Variants in RBBP8 observed in about 807,000 individuals in gnomAD.
RBBP8 encodes DNA endonuclease RBBP8.
A neutral mutation model predicts 108.3 loss-of-function variants in RBBP8; 88 were observed. The observed-to-expected ratio is 0.81, with a 90% CI of 0.68 to 0.97. RBBP8 has a LOEUF of 0.97. Among genes scored for constraint, RBBP8 ranks in the 50% least tolerant of loss-of-function variants. RBBP8 has a pLI of 0.00. For missense variants in RBBP8, 1,023 were observed against 1,049.0 expected, an observed-to-expected ratio of 0.98 and a Z score of 0.34; for synonymous variants, 332 against 348.2, an observed-to-expected ratio of 0.95 and a Z score of 0.52.
chr18:23,018,154 C>T (rs545444963), intron 17 of RBBP8, among the ~76,000 whole-genome samples: 1 of 151,758 alleles, frequency 6.6e-6, no homozygotes, highest in Non-Finnish European at 1.5e-5. Flanking sequence ...CGGGTTCAGA[C>T]GATTCTCCTG....
In RBBP8 at chr18:22,996,394, C is replaced by G; in HGVS notation, c.1960C>G (p.Gln654Glu). ...NNQDVSFENI[Q>E]WSIDPGADLS... Reference sequence around the variant, plus strand: ...CTAAGATGTATCCTTTGAAAATATCCAGTGGAGTATAGATCCGGGAGCAGA... The same window carrying G: ...CTAAGATGTATCCTTTGAAAATATCGAGTGGAGTATAGATCCGGGAGCAGA... Residue 654 changes from glutamine to glutamate, a missense_variant, in exon 13 of 19, where the codon CAG (glutamine) becomes GAG (glutamate). Coordinates refer to ENST00000327155, the MANE Select transcript of RBBP8 (RefSeq NM_002894.3). 6.2e-7 allele frequency: 1 copy of G among 1,613,390 alleles called. No individual in the cohort carries two copies. Among genetic ancestry groups the G allele is most frequent in the East Asian group, 2.2e-5 (1 of 44,768 alleles).
chr18:22,996,247 G>T, intron 12 of RBBP8, 127 bp from the exon 13 acceptor site: 1 of 1,435,922 alleles, frequency 7.0e-7, no homozygotes. Context: ...ATATATCTTA[G>T]ATATAAGTCC....
At chr18:22,991,868 C>T (rs1026171549) in intron 10 of RBBP8, among the ~76,000 whole-genome samples, 12 of 152,138 alleles carry the variant, frequency 7.9e-5, no homozygotes, top group African/African-American at 2.4e-5. Context: ...AGATATCTAT[C>T]TATCTATATA....
chr18:23,017,406 C>T (rs1333243545), intron 17 of RBBP8, among the ~76,000 whole-genome samples: 2 of 150,476 alleles, frequency 1.3e-5, no homozygotes, highest in African/African-American at 4.9e-5. Flanking sequence ...GTAATCCCAG[C>T]ACTTTGGGAG....
At chr18:22,964,481 T>G (rs1478885941) in intron 4 of RBBP8, among the ~76,000 whole-genome samples, 1 of 151,592 alleles carries the variant, frequency 6.6e-6, no homozygotes, top group African/African-American at 2.4e-5. Flanking sequence ...TCCTTGCTTT[T>G]CCTGGAACTC....
upstream of RBBP8, among the ~76,000 whole-genome samples, chr18:22,931,596 G>A (rs554165853): frequency 6.6e-6 from 1 of 152,128 alleles, no homozygotes; most frequent in Non-Finnish European, 1.5e-5. Flanking sequence ...ATTATGGCTA[G>A]CTTTTGGGCA....
In RBBP8 at chr18:23,006,388, C is replaced by A; in HGVS notation, c.2313C>A (p.Val771=). Reference sequence around the variant, plus strand: ...CTCATGGTGATAAACAAGACAAAGTCAAGCAGAAAGCGTTTGTGGAGCCGT... The same window carrying A: ...CTCATGGTGATAAACAAGACAAAGTAAAGCAGAAAGCGTTTGTGGAGCCGT... ...LHTHGDKQDK[V]KQKAFVEPYF... Residue 771 remains valine, a synonymous_variant, in exon 16 of 19, where the codon GTC becomes GTA. Coordinates refer to ENST00000327155, the MANE Select transcript of RBBP8 (RefSeq NM_002894.3). 1 of 1,613,498 alleles carries A rather than the reference C, an allele frequency of 6.2e-7. No homozygotes were observed. Among genetic ancestry groups the A allele is most frequent in the Non-Finnish European group, 8.5e-7 (1 of 1,179,772 alleles).
rs1305490562 is a variant in RBBP8, at chr18:23,012,207, CCAAAAA to C, written c.2358-4620_2358-4615del. Among the ~76,000 whole-genome samples the C allele has an allele frequency of 9.5e-4, 77 of 81,176 alleles. 1 individual carries two copies. Among genetic ancestry groups the C allele is most frequent in the African/African-American group, 3.3e-3 (71 of 21,396 alleles). 53.3% of individuals were successfully genotyped at this position (81,176 alleles called of 152,430 possible). On this transcript the variant is annotated intron_variant, in intron 16 of 18. Transcript: ENST00000327155. ...TGGGAGACAAAGTGAGATGCTGTCT[CCAAAAA>C]AAAAAAAAAAAAAAAAAACCAACTA...
Position 23,001,649 on chromosome 18 carries a change from A to G in RBBP8, c.2207A>G (p.Tyr736Cys). 4 of 1,614,136 alleles carry G rather than the reference A, an allele frequency of 2.5e-6. No homozygotes were observed. The highest frequency in any genetic ancestry group is 3.4e-6 in the Non-Finnish European group (4 of 1,179,998). Residue 736 changes from tyrosine to cysteine, a missense_variant, in exon 15 of 19, where the codon TAT becomes TGT. Tyr to Cys is a radical substitution (Grantham distance 194, BLOSUM62 -2). Transcript: ENST00000327155. ...DMFDRTTHEE[Y>C]ESCLADSFSQ... is the part of the protein sequence containing the mutation. ...TTTGATCGGACAACACATGAAGAGT[A>G]TGAATCCTGTTTGGCAGACAGTTTC...
intron 14 of RBBP8, among the ~76,000 whole-genome samples, chr18:22,999,595 A>G (rs2144734894): frequency 6.6e-6 from 1 of 152,254 alleles, no homozygotes; most frequent in Non-Finnish European, 1.5e-5. Flanking sequence ...GAGTGTTGAC[A>G]TCATGTTGTA....
chr18:22,927,619 A>C (rs1389019319), intron 3 of RBBP8, among the ~76,000 whole-genome samples: 1 of 152,224 alleles, frequency 6.6e-6, no homozygotes, highest in Non-Finnish European at 1.5e-5. Context: ...ATGAAGAAAA[A>C]GAATGTAAAA....
intron 3 of RBBP8, among the ~76,000 whole-genome samples, chr18:22,920,587 C>A (rs924616110): frequency 6.6e-6 from 1 of 152,172 alleles, no homozygotes; most frequent in African/African-American, 2.4e-5. Context: ...GAGTGAGAAA[C>A]ACTTCCTTCC....
At chr18:22,982,921 G>C (rs767290695) in intron 7 of RBBP8, among the ~76,000 whole-genome samples, 26 of 152,176 alleles carry the variant, frequency 1.7e-4, no homozygotes, top group Non-Finnish European at 2.8e-4. Flanking sequence ...GATCTTCTTA[G>C]CTCTGAACTT....
At chr18:22,930,643 G>C (rs965411241), upstream of RBBP8, among the ~76,000 whole-genome samples, 1 of 152,018 alleles carries the variant, frequency 6.6e-6, no homozygotes, top group African/African-American at 2.4e-5. Flanking sequence ...TGTACCCAAA[G>C]GTTTCCATTT....
rs80005884 is a variant in RBBP8 at position 22,955,959 on chromosome 18, T to G, written c.248+6246T>G. 1.5e-3 allele frequency among the ~76,000 whole-genome samples: 235 copies of G among 152,330 alleles called. 1 individual carries two copies. The highest frequency in any genetic ancestry group is 5.4e-3 in the African/African-American group (224 of 41,570). On this transcript the variant is annotated intron_variant, in intron 4 of 18. Coordinates refer to ENST00000327155, the MANE Select transcript of RBBP8 (RefSeq NM_002894.3). The stretch of plus-strand genomic sequence containing the variant: ...TCCCCTTTATATTGTCTTAACTTTA[T>G]TAATGTTATATAAATTAATTACATC...
chr18:23,009,304 ATTGT>A (rs1312954168), intron 16 of RBBP8, among the ~76,000 whole-genome samples: 1 of 151,976 alleles, frequency 6.6e-6, no homozygotes, highest in African/African-American at 2.4e-5. Context: ...ATTAATGAAA[ATTGT>A]TTGAAAACTT....
At chr18:22,959,874 T>TTC (rs1477260941) in intron 4 of RBBP8, among the ~76,000 whole-genome samples, 2 of 145,612 alleles carry the variant, frequency 1.4e-5, no homozygotes, top group Non-Finnish European at 3.0e-5. Flanking sequence ...AACTTTCTTT[T>TTC]TTTTTTTTTT....
At chr18:22,989,692 CATT>C (rs1212517309) in intron 9 of RBBP8, among the ~76,000 whole-genome samples, 6 of 151,664 alleles carry the variant, frequency 4.0e-5, no homozygotes, top group African/African-American at 1.5e-4. Context: ...GATAGGATCT[CATT>C]GTGTTGCCCA....
chr18:22,984,905 GT>G lies in RBBP8; in HGVS notation c.625del (p.Ser209LeufsTer15). ...CCTTAGAAATGAGAAAAGTTTCCAA[GT>G]CTTCAACTCATCCACAACATAATCC... ...CANEMRKVSK[S>X]STHPQHNPNE... is the part of the protein sequence containing the mutation. On this transcript the variant is annotated frameshift_variant, in exon 8 of 19. Transcript: ENST00000327155. LOFTEE classifies it high-confidence loss of function. The G allele has an allele frequency of 6.2e-7, 1 of 1,605,918 alleles. No individual in the cohort carries two copies. The highest frequency in any genetic ancestry group is 8.5e-7 in the Non-Finnish European group (1 of 1,173,994).
Sources: allele counts gnomAD v4.1 joint callset (sites outside exome capture counted in the v4.1 genomes callset), GRCh38; gene constraint gnomAD v4.1.1; transcripts MANE v1.5; gene names NCBI Gene and HGNC (gene_info 2026-07-23, HGNC 2026-07-21).